Variants in ADAM22 observed in about 807,000 individuals in gnomAD.
ADAM22 encodes the protein ADAM metallopeptidase domain 22.
A neutral mutation model predicts 144.6 loss-of-function variants in ADAM22; 65 were observed. That is an observed-to-expected ratio of 0.45 (90% confidence interval 0.37 to 0.55). The LOEUF (loss-of-function observed/expected upper bound fraction) is 0.55. Ranked by LOEUF, ADAM22 falls within the 20% of genes least tolerant of loss-of-function variation. The pLI, the probability that ADAM22 is intolerant of heterozygous loss-of-function variation, is 0.00. For synonymous variants in ADAM22, 391 were observed against 412.6 expected (o/e 0.95, Z 0.63); for missense variants, 974 against 1,184.9 (o/e 0.82, Z 2.61).
chr7:88,111,513 G>T (rs1826038246), intron 5 of ADAM22, among the ~76,000 whole-genome samples: 1 of 152,144 alleles, frequency 6.6e-6, no homozygotes, highest in Non-Finnish European at 1.5e-5. Context: ...TTTGATCTTG[G>T]TGTGTTTGGT....
At chr7:88,120,535 T>A (rs1273344066) in intron 7 of ADAM22, among the ~76,000 whole-genome samples, 1 of 152,244 alleles carries the variant, frequency 6.6e-6, no homozygotes, top group East Asian at 1.9e-4. Flanking sequence ...TATTCTAGTG[T>A]ATGTGGTGGT....
At position 88,039,261 on chromosome 7, in the gene ADAM22, G is replaced by A. The variant is rs576916549; in HGVS notation, c.324-36365G>A. On this transcript the variant is annotated intron_variant, in intron 3 of 31. Coordinates refer to ENST00000413139, the MANE Select transcript of ADAM22 (RefSeq NM_001324418.2). ...GATCGAGACCATCCTGGCTAACACG[G>A]TGAAACCCCATCTCTACTAAAAATA... 7.5e-3 allele frequency among the ~76,000 whole-genome samples: 1,135 copies of A among 150,690 alleles called. 12 individuals carry two copies. Among genetic ancestry groups the A allele is most frequent in the Non-Finnish European group, 0.013 (847 of 67,526 alleles).
chr7:88,014,481 A>T (rs1319207621), intron 3 of ADAM22, among the ~76,000 whole-genome samples: 1 of 152,022 alleles, frequency 6.6e-6, no homozygotes, highest in South Asian at 2.1e-4. Context: ...AGTGGCTCAT[A>T]CCTGTAATCC....
chr7:88,178,880 C>T, intron 26 of ADAM22, 55 bp from the exon 27 acceptor site: 1 of 1,103,824 alleles, frequency 9.1e-7, no homozygotes, highest in Non-Finnish European at 1.3e-6. Flanking sequence ...TTGTATATGT[C>T]TGTGTTCATG....
chr7:88,085,072 C>T (rs1350686534), intron 4 of ADAM22, among the ~76,000 whole-genome samples: 1 of 152,214 alleles, frequency 6.6e-6, no homozygotes, highest in Non-Finnish European at 1.5e-5. Context: ...CCTGTCTCTA[C>T]ATACAGTTAT....
In ADAM22 at chr7:87,951,481, T is replaced by C. The variant is rs1438975029; in HGVS notation, c.246+16295T>C. On this transcript the variant is annotated intron_variant, in intron 2 of 31. Transcript: ENST00000413139. ...TGCAGCGTTATTTCTGAGGGCTCTGTTCTGTTCCATTGATCTATATCTGTG... is the reference window on the plus strand; with the variant it reads ...TGCAGCGTTATTTCTGAGGGCTCTGCTCTGTTCCATTGATCTATATCTGTG... Among the ~76,000 whole-genome samples, 2 of 91,174 alleles carry C rather than the reference T, an allele frequency of 2.2e-5. 1 individual carries two copies. Among genetic ancestry groups the C allele is most frequent in the Non-Finnish European group, 4.2e-5 (2 of 47,432 alleles). 59.8% of individuals were successfully genotyped at this position (91,174 alleles called of 152,430 possible).
chr7:88,085,429 A>T (rs1244360025), intron 4 of ADAM22, among the ~76,000 whole-genome samples: 2 of 152,172 alleles, frequency 1.3e-5, no homozygotes, highest in Non-Finnish European at 2.9e-5. Context: ...AAACATTTTT[A>T]AAAAAGAGCT....
At chr7:88,183,826 A>G in intron 29 of ADAM22, among the ~76,000 whole-genome samples, 1 of 135,160 alleles carries the variant, frequency 7.4e-6, no homozygotes, top group Admixed American at 7.8e-5. Flanking sequence ...ATACACATGT[A>G]TATATACATA....
intron 2 of ADAM22, among the ~76,000 whole-genome samples, chr7:87,959,115 A>T (rs535375387): frequency 8.1e-4 from 122 of 151,304 alleles, no homozygotes; most frequent in African/African-American, 2.0e-3. Context: ...TTTTTTTTTT[A>T]AAAAAAGCAT....
chr7:88,082,843 T>C (rs1258560573), intron 4 of ADAM22, among the ~76,000 whole-genome samples: 2 of 151,982 alleles, frequency 1.3e-5, no homozygotes, highest in African/African-American at 2.4e-5. Context: ...AAACAACAGG[T>C]GCTGGAGAGG....
intron 2 of ADAM22, among the ~76,000 whole-genome samples, chr7:87,966,671 G>T (rs1435672366): frequency 7.2e-6 from 1 of 138,742 alleles, no homozygotes; most frequent in South Asian, 2.4e-4. Context: ...AATGTAGCAA[G>T]GTAAATTCGG....
intron 2 of ADAM22, among the ~76,000 whole-genome samples, chr7:87,958,243 T>C (rs1181808898): frequency 6.6e-6 from 1 of 152,240 alleles, no homozygotes; most frequent in Non-Finnish European, 1.5e-5. Context: ...GCTTGTACAC[T>C]GTCAATTTCC....
intron 3 of ADAM22, among the ~76,000 whole-genome samples, chr7:88,060,237 GC>G (rs1809419134): frequency 6.6e-6 from 1 of 152,004 alleles, no homozygotes; most frequent in African/African-American, 2.4e-5. Flanking sequence ...GGTATTTGTG[GC>G]AATTTCTTAA....
chr7:87,972,925 C>T (rs1256282657), intron 2 of ADAM22, among the ~76,000 whole-genome samples: 2 of 152,124 alleles, frequency 1.3e-5, no homozygotes, highest in Admixed American at 1.3e-4. Context: ...TTCCTTACAC[C>T]TTATACAAAA....
chr7:88,125,990 G>A (rs1314447050), intron 8 of ADAM22, among the ~76,000 whole-genome samples: 1 of 151,886 alleles, frequency 6.6e-6, no homozygotes, highest in African/African-American at 2.4e-5. Context: ...CCACTTGTAT[G>A]GTTTATATCC....
At chr7:88,028,201 A>G (rs545732856) in intron 3 of ADAM22, among the ~76,000 whole-genome samples, 158 of 152,290 alleles carry the variant, frequency 1.0e-3, no homozygotes, top group African/African-American at 3.8e-3. Context: ...TTATTTTAAG[A>G]AATTTTAAAA....
chr7:88,148,446 A>T (rs1410862891), intron 17 of ADAM22, among the ~76,000 whole-genome samples: 1 of 152,168 alleles, frequency 6.6e-6, no homozygotes, highest in Non-Finnish European at 1.5e-5. Context: ...CTATATGAAG[A>T]CTTAAATAAT....
chr7:87,943,226 T>G (rs1842814683), intron 2 of ADAM22, among the ~76,000 whole-genome samples: 1 of 151,082 alleles, frequency 6.6e-6, no homozygotes, highest in African/African-American at 2.4e-5. Context: ...GTGATTTACA[T>G]GCATTATCTC....
intron 4 of ADAM22, among the ~76,000 whole-genome samples, chr7:88,081,156 T>C (rs1344356501): frequency 6.6e-6 from 1 of 152,116 alleles, no homozygotes; most frequent in African/African-American, 2.4e-5. Flanking sequence ...TCAAGTGGGC[T>C]TCATCCCTGG....
Sources: gnomAD v4.1 joint callset for allele counts (sites outside exome capture counted in the v4.1 genomes callset) on GRCh38, gnomAD v4.1.1 for gene constraint, MANE v1.5 for transcripts, NCBI Gene and HGNC (gene_info 2026-07-23, HGNC 2026-07-21) for gene names.